The following ARPC2 variants were observed in gnomAD, a reference collection of about 807,000 sequenced individuals.
ARPC2 encodes the protein actin related protein 2/3 complex subunit 2, also known as actin-related protein 2/3 complex subunit 2.
Under a neutral mutation model 38.6 loss-of-function variants are expected in ARPC2, and 4 were observed. The observed-to-expected ratio is 0.10, with a 90% CI of 0.05 to 0.24. The LOEUF is 0.24. Ranked by LOEUF, ARPC2 falls within the 10% of genes least tolerant of loss-of-function variation. The probability of loss-of-function intolerance (pLI) is 1.00; values close to 1 mark genes in which losing one functional copy is unlikely to be tolerated. For missense variants in ARPC2, 229 were observed against 387.3 expected, an observed-to-expected ratio of 0.59 and a Z score of 3.43; for synonymous variants, 125 against 140.8, an observed-to-expected ratio of 0.89 and a Z score of 0.79.
intron 8 of ARPC2, among the ~76,000 whole-genome samples, chr2:218,247,132 AAAG>A (rs1440369361): frequency 6.6e-6 from 1 of 152,156 alleles, no homozygotes; most frequent in Non-Finnish European, 1.5e-5. Context: ...CTCACCAAAA[AAAG>A]GAGTTAAGAA....
At chr2:218,222,879 A>G (rs1689416238) in intron 2 of ARPC2, among the ~76,000 whole-genome samples, 1 of 152,172 alleles carries the variant, frequency 6.6e-6, no homozygotes, top group African/African-American at 2.4e-5. Flanking sequence ...TTAAGTAAGC[A>G]CCGTGCAGGC....
At chr2:218,239,040 G>T (rs534928460) in intron 6 of ARPC2, 190 bp downstream of exon 6, 3 of 577,290 alleles carry the variant, frequency 5.2e-6, no homozygotes, top group Non-Finnish European at 9.1e-6. Context: ...CAGATACTGA[G>T]AGCTGACAGA....
chr2:218,225,643 G>A (rs182981698), intron 2 of ARPC2, among the ~76,000 whole-genome samples: 76 of 152,292 alleles, frequency 5.0e-4, no homozygotes, highest in Admixed American at 2.7e-3. Context: ...AATTGAAAGT[G>A]AGCACCAACC....
At chr2:218,221,054 C>A (rs981027291) in intron 2 of ARPC2, among the ~76,000 whole-genome samples, 7 of 152,330 alleles carry the variant, frequency 4.6e-5, no homozygotes, top group African/African-American at 4.8e-5. Context: ...TAATTTAATT[C>A]TTTCGTTAGT....
chr2:218,253,164 C>T (rs573998444), intron 10 of ARPC2: 8 of 357,752 alleles, frequency 2.2e-5, no homozygotes, highest in Admixed American at 1.1e-4. Flanking sequence ...TTGGAATAAG[C>T]GATACATCCA....
In ARPC2 at chr2:218,249,835, A is replaced by G; in HGVS notation, c.792A>G (p.Thr264=). 6 of 1,613,614 alleles carry G rather than the reference A, an allele frequency of 3.7e-6. No individual in the cohort carries two copies. The highest frequency in any genetic ancestry group is 5.1e-6 in the Non-Finnish European group (6 of 1,179,844). ...TTTGTTCCCAGGCCTATATTCACAC[A>G]CGTATGCGGGCGAAAACGTCTGACT... is the stretch of plus-strand genomic sequence containing the variant. The part of the protein sequence containing the change: ...HIKCSKAYIH[T]RMRAKTSDFL... Residue 264 remains threonine, a synonymous_variant, in exon 10 of 11, where the codon ACA becomes ACG. Transcript: ENST00000315717.
intron 5 of ARPC2, among the ~76,000 whole-genome samples, chr2:218,237,652 C>T (rs1431032953): frequency 6.6e-6 from 1 of 151,756 alleles, no homozygotes; most frequent in Non-Finnish European, 1.5e-5. Context: ...CTGTAACCTC[C>T]ACCTCCTGGG....
intron 5 of ARPC2, 23 bp downstream of exon 5, chr2:218,234,420 A>G (rs981445935): frequency 7.1e-6 from 11 of 1,557,886 alleles, no homozygotes; most frequent in African/African-American, 5.4e-5. Context: ...GTGAGCAACT[A>G]TGGAATGACA....
intron 2 of ARPC2, among the ~76,000 whole-genome samples, chr2:218,219,162 G>T (rs987956431): frequency 6.6e-6 from 1 of 152,186 alleles, no homozygotes; most frequent in African/African-American, 2.4e-5. Flanking sequence ...TCAAGTAGAG[G>T]CATGTCTTTT....
chr2:218,220,402 C>T (rs892113423), intron 2 of ARPC2, among the ~76,000 whole-genome samples: 1 of 152,168 alleles, frequency 6.6e-6, no homozygotes, highest in African/African-American at 2.4e-5. Context: ...TTGAGTTCCT[C>T]GGTCACACTA....
chr2:218,217,934 A>AT (rs997422296), intron 2 of ARPC2, among the ~76,000 whole-genome samples: 1 of 152,146 alleles, frequency 6.6e-6, no homozygotes, highest in African/African-American at 2.4e-5. Context: ...CCTGTTTGGA[A>AT]TTGGGTTGGA....
At position 218,230,287 on chromosome 2, in the gene ARPC2, CTTTTTTTTTTTTT is replaced by C. The variant is rs768585570; in HGVS notation, c.222+1449_222+1461del. Reference sequence around the variant, plus strand: ...GTGCCCAGCCTTTTCTTTTTTTTTTCTTTTTTTTTTTTTTTTTTTTTTTTGACAAGGTCTTGTT... The same window carrying C: ...GTGCCCAGCCTTTTCTTTTTTTTTTCTTTTTTTTTTTGACAAGGTCTTGTT... On this transcript the variant is annotated intron_variant, in intron 4 of 10. Transcript: ENST00000315717. 4.7e-4 allele frequency among the ~76,000 whole-genome samples: 34 copies of C among 73,022 alleles called. No individual in the cohort carries two copies. The Admixed American group carries it at 5.6e-3, about 12-fold the overall frequency. The allele number at this position is 73,022 out of a possible 152,430, so 47.9% of individuals were successfully genotyped here. A position where few individuals can be genotyped will look rare whatever the true frequency, so the allele number is the denominator to read the frequency against.
chr2:218,238,912 G>A, intron 6 of ARPC2, 62 bp downstream of exon 6: 2 of 1,309,352 alleles, frequency 1.5e-6, no homozygotes, highest in Non-Finnish European at 2.1e-6. Flanking sequence ...GGCACTTACT[G>A]AAAGAAATAT....
rs556038550 is a variant in ARPC2, at chr2:218,232,336, CAG to C, written c.223-2012_223-2011del. Among the ~76,000 whole-genome samples, 165 of 152,100 alleles carry C rather than the reference CAG, an allele frequency of 1.1e-3. 1 individual carries two copies. Among genetic ancestry groups the C allele is most frequent in the African/African-American group, 3.6e-3 (151 of 41,522 alleles). ...CCACCAGGTGAAGCAGTCACGGTGA[CAG>C]AGAAAAAAATAGGGAGTCTCAGTCT... On this transcript the variant is annotated intron_variant, in intron 4 of 10. Coordinates refer to ENST00000315717, the MANE Select transcript of ARPC2 (RefSeq NM_152862.3).
intron 4 of ARPC2, chr2:218,233,800 A>G (rs1689700974): frequency 2.0e-5 from 3 of 152,268 alleles, no homozygotes; most frequent in Non-Finnish European, 2.9e-5. Flanking sequence ...ATTAAGTACA[A>G]TGTAGGATCT....
chr2:218,237,583 G>GTT (rs553328235), intron 5 of ARPC2, among the ~76,000 whole-genome samples: 3 of 133,612 alleles, frequency 2.2e-5, no homozygotes, highest in Non-Finnish European at 4.9e-5. Flanking sequence ...TTTTGTTTTT[G>GTT]TTTTTTTTTT....
At chr2:218,228,613 A>G (rs1689562759) in intron 3 of ARPC2, 125 bp from the exon 4 acceptor site, 1 of 531,862 alleles carries the variant, frequency 1.9e-6, no homozygotes, top group Non-Finnish European at 3.4e-6. Flanking sequence ...ATTTAAAATA[A>G]GTTCCATTTT....
chr2:218,233,193 G>A (rs1689680562), intron 4 of ARPC2: 1 of 151,626 alleles, frequency 6.6e-6, no homozygotes, highest in Non-Finnish European at 1.5e-5. Context: ...TTTTGGCTGG[G>A]TGTGGAAAAA....
intron 5 of ARPC2, chr2:218,236,418 C>T (rs1689770158): frequency 6.6e-6 from 1 of 152,004 alleles, no homozygotes; most frequent in Non-Finnish European, 1.5e-5. Context: ...GAGTGCCTCT[C>T]CAGTATTAAA....
Sources: allele counts gnomAD v4.1 joint callset (sites outside exome capture counted in the v4.1 genomes callset), GRCh38; gene constraint gnomAD v4.1.1; transcripts MANE v1.5; gene names NCBI Gene and HGNC (gene_info 2026-07-23, HGNC 2026-07-21).